ANO6: variants seen among roughly 807,000 people sequenced by gnomAD.
ANO6 encodes anoctamin-6.
A neutral mutation model predicts 117.5 loss-of-function variants in ANO6; 106 were observed. The observed-to-expected ratio is 0.90, with a 90% confidence interval of 0.77 to 1.06. ANO6 has a LOEUF of 1.06. ANO6 is among the 50% of genes least tolerant of loss of function. ANO6 has a pLI of 0.00. For missense variants in ANO6, 955 were observed against 1,121.1 expected (o/e 0.85, Z 2.12); for synonymous variants, 367 against 385.1 (o/e 0.95, Z 0.55).
intron 1 of ANO6, among the ~76,000 whole-genome samples, chr12:45,237,017 T>C (rs1285115881): frequency 1.3e-5 from 2 of 152,240 alleles, no homozygotes; most frequent in Non-Finnish European, 2.9e-5. Context: ...GTTGGCTGCA[T>C]AAATGTCTTC....
At chr12:45,320,300 G>GA (rs1455605249) in intron 2 of ANO6, among the ~76,000 whole-genome samples, 1 of 152,086 alleles carries the variant, frequency 6.6e-6, no homozygotes, top group African/African-American at 2.4e-5. Context: ...ATGTGTCCCA[G>GA]AGATTCTGGT....
At chr12:45,228,291 CTTTTTTTTTTTT>C (rs34786875) in intron 1 of ANO6, 1 of 166,830 alleles carries the variant, frequency 6.0e-6, no homozygotes, top group South Asian at 5.7e-5. Context: ...CCAGGCCCTC[CTTTTTTTTTTTT>C]TTTTTTTTTT....
intron 1 of ANO6, among the ~76,000 whole-genome samples, chr12:45,260,281 T>A (rs936465413): frequency 6.6e-6 from 1 of 152,226 alleles, no homozygotes; most frequent in African/African-American, 2.4e-5. Flanking sequence ...TTTGTCAGCT[T>A]CTTTCCTCCT....
intron 17 of ANO6, among the ~76,000 whole-genome samples, chr12:45,420,330 A>T (rs1266284519): frequency 1.3e-5 from 2 of 152,170 alleles, no homozygotes; most frequent in East Asian, 3.8e-4. Context: ...TACATGTGCA[A>T]GTCTTCTAGG....
At chr12:45,377,101 T>C (rs527905401) in intron 9 of ANO6, among the ~76,000 whole-genome samples, 1 of 151,982 alleles carries the variant, frequency 6.6e-6, no homozygotes, top group Non-Finnish European at 1.5e-5. Context: ...CAGACTTTTC[T>C]ACTTTGAAGC....
intron 2 of ANO6, among the ~76,000 whole-genome samples, chr12:45,324,579 T>G (rs1203797352): frequency 6.6e-6 from 1 of 152,138 alleles, no homozygotes; most frequent in Non-Finnish European, 1.5e-5. Context: ...CTTGAGTAGC[T>G]GAAAAGCTAA....
rs754675852 is a variant in ANO6 at position 45,401,845 on chromosome 12, G to A, written c.1437G>A (p.Ser479=). The change falls in exon 13 of 20, where the codon TCG becomes TCA. Residue 479 remains serine (S), a synonymous_variant. Coordinates refer to ENST00000320560, the MANE Select transcript of ANO6 (RefSeq NM_001025356.3). ...SVIGIIVYRL[S]VFIVFSAKLP... ...TTGGGATCATTGTCTATAGGCTCTCGGTGTTCATTGTATTTTCTGCAAAAC... is the reference window on the plus strand; with the variant it reads ...TTGGGATCATTGTCTATAGGCTCTCAGTGTTCATTGTATTTTCTGCAAAAC... The A allele has an allele frequency of 2.1e-5, 34 of 1,613,550 alleles. No homozygotes were observed. Among genetic ancestry groups the A allele is most frequent in the Middle Eastern group, 1.6e-4 (1 of 6,084 alleles).
intron 2 of ANO6, among the ~76,000 whole-genome samples, chr12:45,319,731 T>C (rs1940188302): frequency 6.6e-6 from 1 of 152,242 alleles, no homozygotes; most frequent in Non-Finnish European, 1.5e-5. Flanking sequence ...AATTCGGCTG[T>C]GAATCCATCT....
intron 1 of ANO6, among the ~76,000 whole-genome samples, chr12:45,255,183 A>G (rs1036673679): frequency 6.6e-6 from 1 of 152,200 alleles, no homozygotes; most frequent in African/African-American, 2.4e-5. Flanking sequence ...GACATTTGTC[A>G]AGTGTTTTAC....
intron 8 of ANO6, among the ~76,000 whole-genome samples, chr12:45,366,495 A>T (rs1299517879): frequency 6.6e-6 from 1 of 152,160 alleles, no homozygotes; most frequent in Non-Finnish European, 1.5e-5. Flanking sequence ...TTGAAATGTC[A>T]GTTCTCACTT....
At chr12:45,324,543 A>G (rs1940397318) in intron 2 of ANO6, among the ~76,000 whole-genome samples, 2 of 152,270 alleles carry the variant, frequency 1.3e-5, no homozygotes, top group Admixed American at 1.3e-4. Flanking sequence ...GCGGTTGACT[A>G]GGGAATTACA....
chr12:45,292,997 A>C, intron 1 of ANO6: 1 of 1,541,874 alleles, frequency 6.5e-7, no homozygotes. Context: ...AGTGCCGGGG[A>C]GGCTCCTTTT....
At position 45,430,081 on chromosome 12, in the gene ANO6, A is replaced by T; in HGVS notation, c.*770A>T. 1 of 985,468 alleles carries T rather than the reference A, an allele frequency of 1.0e-6. No homozygotes were observed. The highest frequency in any genetic ancestry group is 1.2e-6 in the Non-Finnish European group (1 of 829,944). The allele number at this position is 985,468 out of a possible 1,614,324, so 61.0% of individuals were successfully genotyped here. A position where few individuals can be genotyped will look rare whatever the true frequency, so the allele number is the denominator to read the frequency against. ...AGGGAATAAAATGACAAAAGCAGGG[A>T]AAGTTACAGATTCAAACAGCATTTT... On this transcript the variant is annotated 3_prime_UTR_variant, in exon 20 of 20. Coordinates refer to ENST00000320560, the MANE Select transcript of ANO6 (RefSeq NM_001025356.3).
chr12:45,421,208 C>T lies in ANO6; in HGVS notation c.2355C>T (p.Val785=), dbSNP rs773278376. 1.9e-5 allele frequency: 30 copies of T among 1,613,998 alleles called. No individual in the cohort carries two copies. The highest frequency in any genetic ancestry group is 5.5e-5 in the South Asian group (5 of 91,080). Residue 785 remains valine, a synonymous_variant, in exon 18 of 20, where the codon GTC becomes GTT. Transcript: ENST00000320560. ...ACAACACTCTCTCCATCTTCAAAGT[C>T]GCAGACTTCAAAAACAAAAGCAAGG... ...YINNTLSIFK[V]ADFKNKSKGN...
At chr12:45,409,619 G>C (rs1943034548) in intron 16 of ANO6, 132 bp downstream of exon 16, 1 of 1,091,534 alleles carries the variant, frequency 9.2e-7, no homozygotes, top group African/African-American at 1.6e-5. Flanking sequence ...TTCTCCACTA[G>C]ATAAAATTAT....
chr12:45,317,940 A>G (rs1451377985), intron 2 of ANO6, among the ~76,000 whole-genome samples: 1 of 152,182 alleles, frequency 6.6e-6, no homozygotes, highest in Non-Finnish European at 1.5e-5. Flanking sequence ...GTGTCAGTTC[A>G]TATCCTTTGC....
At chr12:45,236,910 TG>T (rs925732144) in intron 1 of ANO6, among the ~76,000 whole-genome samples, 4 of 152,242 alleles carry the variant, frequency 2.6e-5, no homozygotes, top group Admixed American at 2.0e-4. Flanking sequence ...GACTTTTTAA[TG>T]ATCGCCATTC....
chr12:45,324,496 C>T (rs1592967544), intron 2 of ANO6, among the ~76,000 whole-genome samples: 2 of 152,212 alleles, frequency 1.3e-5, no homozygotes, highest in Non-Finnish European at 1.5e-5. Flanking sequence ...CCAGAGCAGT[C>T]GTCTGAGATT....
At chr12:45,284,995 G>C (rs190525906) in intron 1 of ANO6, among the ~76,000 whole-genome samples, 1 of 152,204 alleles carries the variant, frequency 6.6e-6, no homozygotes, top group African/African-American at 2.4e-5. Context: ...GAAATTTTAA[G>C]TAGCTTGAAT....
Sources: gnomAD v4.1 joint callset for allele counts (sites outside exome capture counted in the v4.1 genomes callset) on GRCh38, gnomAD v4.1.1 for gene constraint, MANE v1.5 for transcripts, NCBI Gene and HGNC (gene_info 2026-07-23, HGNC 2026-07-21) for gene names.